Variants in NXPE2 observed in about 807,000 individuals in gnomAD.
NXPE2 encodes the protein neurexophilin and PC-esterase domain family member 2.
A neutral mutation model predicts 34.4 loss-of-function variants in NXPE2; 34 were observed. That is an observed-to-expected ratio of 0.99 (90% CI 0.75 to 1.31). NXPE2 has a LOEUF of 1.31. Ranked by LOEUF, NXPE2 falls within the 40% of genes most tolerant of loss-of-function variation. The pLI is 0.00. For synonymous variants in NXPE2, 235 were observed against 231.3 expected (o/e 1.02, Z -0.15); for missense variants, 649 against 672.5 (o/e 0.97, Z 0.39).
At chr11:114,671,336 A>G in the NXPE2 span, among the ~76,000 whole-genome samples, 10 of 36,256 alleles carry the variant, frequency 2.8e-4, no homozygotes, top group East Asian at 0.013. Flanking sequence ...TAATAGAGGA[A>G]TTAGGAGAGG....
At chr11:114,474,473 G>A in the NXPE2 span, among the ~76,000 whole-genome samples, 3 of 152,164 alleles carry the variant, frequency 2.0e-5, no homozygotes, top group Non-Finnish European at 4.4e-5. Context: ...GTGGTGTTTA[G>A]AAGTCAGTCT....
At chr11:114,803,743 ATTT>A in the NXPE2 span, among the ~76,000 whole-genome samples, 4 of 151,920 alleles carry the variant, frequency 2.6e-5, no homozygotes, top group African/African-American at 9.7e-5. Context: ...CGCCTGACTC[ATTT>A]TTTGTATTTT....
the NXPE2 span, among the ~76,000 whole-genome samples, chr11:114,492,390 G>A: frequency 6.6e-6 from 1 of 151,948 alleles, no homozygotes; most frequent in Middle Eastern, 3.2e-3. Flanking sequence ...GTCTTTAAAG[G>A]CTTTTTTGTG....
At chr11:114,663,667 C>A in the NXPE2 span, among the ~76,000 whole-genome samples, 1 of 84,570 alleles carries the variant, frequency 1.2e-5, no homozygotes, top group Non-Finnish European at 2.5e-5. Context: ...ATTTATCTAT[C>A]ATCTATCTAT....
the NXPE2 span, chr11:114,580,393 A>G: frequency 3.4e-6 from 5 of 1,489,486 alleles, no homozygotes; most frequent in Admixed American, 6.7e-5. Context: ...ACCCGTCAGT[A>G]TGTATTAAGA....
At chr11:114,708,924 C>T (rs953102961), downstream of NXPE2, among the ~76,000 whole-genome samples, 1 of 152,214 alleles carries the variant, frequency 6.6e-6, no homozygotes, top group African/African-American at 2.4e-5. Context: ...CTTACCTTCT[C>T]TTCACATGCA....
At chr11:114,538,647 G>A in the NXPE2 span, among the ~76,000 whole-genome samples, 1 of 152,144 alleles carries the variant, frequency 6.6e-6, no homozygotes, top group Non-Finnish European at 1.5e-5. Flanking sequence ...CTCAATAGAA[G>A]ACATTTATTT....
the NXPE2 span, among the ~76,000 whole-genome samples, chr11:114,743,892 TAC>T: frequency 6.6e-6 from 1 of 151,288 alleles, no homozygotes; most frequent in African/African-American, 2.4e-5. Flanking sequence ...TGTGTATATA[TAC>T]ACACATATAT....
the NXPE2 span, among the ~76,000 whole-genome samples, chr11:114,810,082 CA>C: frequency 6.7e-6 from 1 of 149,278 alleles, no homozygotes; most frequent in Non-Finnish European, 1.5e-5. Context: ...CAAAAACAAG[CA>C]ATGGGGAAAG....
the NXPE2 span, among the ~76,000 whole-genome samples, chr11:114,809,824 G>T: frequency 2.2e-4 from 24 of 107,730 alleles, no homozygotes; most frequent in African/African-American, 7.0e-4. Context: ...TTTCTTCACA[G>T]AATTGGAAAA....
the NXPE2 span, among the ~76,000 whole-genome samples, chr11:114,771,611 G>C: frequency 6.6e-6 from 1 of 152,102 alleles, no homozygotes; most frequent in South Asian, 2.1e-4. Flanking sequence ...CTCAGTCCTC[G>C]TGAGTGCTCA....
the NXPE2 span, among the ~76,000 whole-genome samples, chr11:114,738,637 A>G: frequency 2.6e-5 from 4 of 152,198 alleles, no homozygotes; most frequent in Admixed American, 2.6e-4. Context: ...AACTCCTGAG[A>G]ATGAGTCTAA....
chr11:114,594,635 G>T, the NXPE2 span: 1 of 1,435,098 alleles, frequency 7.0e-7, no homozygotes, highest in Non-Finnish European at 9.7e-7. Context: ...ATAAGCTTCT[G>T]TAAACCACAT....
At chr11:114,518,246 C>T in the NXPE2 span, 2 of 152,204 alleles carry the variant, frequency 1.3e-5, no homozygotes, top group African/African-American at 2.4e-5. Flanking sequence ...CTTGCCTCTC[C>T]GAGATCTGCT....
the NXPE2 span, among the ~76,000 whole-genome samples, chr11:114,651,520 TG>T: frequency 6.6e-6 from 1 of 152,222 alleles, no homozygotes; most frequent in Admixed American, 6.5e-5. Context: ...TGCCACAGCA[TG>T]GAAGAGAATC....
the NXPE2 span, chr11:114,583,011 G>A: frequency 1.2e-6 from 2 of 1,609,738 alleles, no homozygotes; most frequent in South Asian, 1.1e-5. Flanking sequence ...TAAGTTTAGA[G>A]CAGACCAAAC....
chr11:114,806,138 T>A, the NXPE2 span, among the ~76,000 whole-genome samples: 4 of 152,152 alleles, frequency 2.6e-5, no homozygotes, highest in Non-Finnish European at 5.9e-5. Context: ...GAGGGTCCTG[T>A]CTGTTAGAAG....
the NXPE2 span, chr11:114,551,057 G>T: frequency 2.8e-6 from 3 of 1,054,358 alleles, no homozygotes; most frequent in Non-Finnish European, 4.2e-6. Flanking sequence ...CGTCACACAG[G>T]TGAGGGCTTA....
the NXPE2 span, among the ~76,000 whole-genome samples, chr11:114,600,212 G>C: frequency 2.0e-5 from 3 of 152,188 alleles, no homozygotes; most frequent in Non-Finnish European, 4.4e-5. Flanking sequence ...GAAAATCAAT[G>C]AACATCTGCT....
Sources: gnomAD v4.1 joint callset for allele counts (sites outside exome capture counted in the v4.1 genomes callset) on GRCh38, gnomAD v4.1.1 for gene constraint, MANE v1.5 for transcripts, NCBI Gene and HGNC (gene_info 2026-07-23, HGNC 2026-07-21) for gene names.